Variants in UTRN observed in about 807,000 individuals in gnomAD.
UTRN encodes the protein utrophin.
UTRN carries 283 observed loss-of-function variants against 463.9 expected under a neutral mutation model. The observed-to-expected ratio is 0.61, with a 90% CI of 0.55 to 0.67. UTRN has a LOEUF of 0.67. Among genes scored for constraint, UTRN ranks in the 30% least tolerant of loss-of-function variants. The probability of loss-of-function intolerance (pLI) is 0.00; values close to 1 mark genes in which losing one functional copy is unlikely to be tolerated. For missense variants in UTRN, 3,922 were observed against 4,084.3 expected, an observed-to-expected ratio of 0.96 and a Z score of 1.08; for synonymous variants, 1,442 against 1,431.5, an observed-to-expected ratio of 1.01 and a Z score of -0.17.
chr6:144,498,260 T>C (rs1360144566), intron 33 of UTRN, among the ~76,000 whole-genome samples: 3 of 152,234 alleles, frequency 2.0e-5, no homozygotes, highest in Non-Finnish European at 4.4e-5. Context: ...CTTAACCTCT[T>C]TAAGTTTCAT....
intron 52 of UTRN, among the ~76,000 whole-genome samples, chr6:144,690,231 T>G (rs909958637): frequency 1.3e-5 from 2 of 150,140 alleles, no homozygotes; most frequent in Admixed American, 6.7e-5. Flanking sequence ...GCAGCCCTAG[T>G]GGGATTGGAG....
At chr6:144,844,945 G>T (rs1299990010) in intron 73 of UTRN, among the ~76,000 whole-genome samples, 1 of 152,096 alleles carries the variant, frequency 6.6e-6, no homozygotes, top group African/African-American at 2.4e-5. Context: ...TTCCACTCTT[G>T]GCAATCTTGG....
intron 74 of UTRN, among the ~76,000 whole-genome samples, chr6:144,850,472 C>A (rs967907952): frequency 1.3e-5 from 2 of 152,082 alleles, no homozygotes; most frequent in African/African-American, 2.4e-5. Context: ...AAGGTTGATA[C>A]CACTTCCATG....
intron 72 of UTRN, among the ~76,000 whole-genome samples, chr6:144,839,823 G>A (rs191133035): frequency 9.2e-5 from 14 of 152,204 alleles, no homozygotes; most frequent in African/African-American, 2.6e-4. Flanking sequence ...AGTAAACTAG[G>A]TGTTAACCAA....
chr6:144,292,941 C>G (rs117894383), intron 2 of UTRN, among the ~76,000 whole-genome samples: 1 of 152,048 alleles, frequency 6.6e-6, no homozygotes, highest in Non-Finnish European at 1.5e-5. Context: ...TCCATGATAC[C>G]GGTGTTGGTT....
intron 65 of UTRN, among the ~76,000 whole-genome samples, chr6:144,818,050 A>T (rs943398955): frequency 6.6e-6 from 1 of 152,136 alleles, no homozygotes; most frequent in Non-Finnish European, 1.5e-5. Context: ...TAAAGAATGT[A>T]TGCTGTGGAA....
intron 34 of UTRN, among the ~76,000 whole-genome samples, chr6:144,501,979 A>G (rs985734623): frequency 6.6e-6 from 1 of 152,062 alleles, no homozygotes; most frequent in African/African-American, 2.4e-5. Context: ...ACCATTTTTT[A>G]TCACCAAATT....
chr6:144,598,937 T>G (rs971556413), intron 51 of UTRN, among the ~76,000 whole-genome samples: 7 of 151,848 alleles, frequency 4.6e-5, no homozygotes, highest in Middle Eastern at 3.4e-3. Context: ...TCAGAATGAA[T>G]ATTGCTAGAC....
chr6:144,602,087 G>A (rs1423169625), intron 51 of UTRN, among the ~76,000 whole-genome samples: 1 of 152,030 alleles, frequency 6.6e-6, no homozygotes, highest in Non-Finnish European at 1.5e-5. Flanking sequence ...GTTTTATCAT[G>A]AGTCAATTGA....
At chr6:144,702,049 C>T (rs1784648762) in intron 53 of UTRN, among the ~76,000 whole-genome samples, 1 of 152,136 alleles carries the variant, frequency 6.6e-6, no homozygotes, top group South Asian at 2.1e-4. Context: ...ACAGTAGTCC[C>T]TTTTTGTGGG....
chr6:144,592,275 A>G (rs1038290922), intron 51 of UTRN, among the ~76,000 whole-genome samples: 1 of 152,232 alleles, frequency 6.6e-6, no homozygotes, highest in African/African-American at 2.4e-5. Flanking sequence ...ATCCTTATAC[A>G]TCATTAAGTG....
chr6:144,619,033 C>A (rs905234242), intron 51 of UTRN, among the ~76,000 whole-genome samples: 39 of 152,152 alleles, frequency 2.6e-4, no homozygotes, highest in African/African-American at 8.9e-4. Context: ...TAAATAGAAT[C>A]ATTCGATTTT....
chr6:144,634,031 A>T (rs1776831169), intron 51 of UTRN, among the ~76,000 whole-genome samples: 1 of 152,214 alleles, frequency 6.6e-6, no homozygotes, highest in African/African-American at 2.4e-5. Context: ...GGCAGTCAGA[A>T]CAGGCTGCCC....
At chr6:144,500,235 G>C (rs989925492) in intron 34 of UTRN, among the ~76,000 whole-genome samples, 34 of 152,304 alleles carry the variant, frequency 2.2e-4, no homozygotes, top group South Asian at 4.1e-4. Flanking sequence ...CCCACCAACA[G>C]TATAAAAGTG....
At chr6:144,361,772 C>CTTT (rs371182123) in intron 2 of UTRN, among the ~76,000 whole-genome samples, 5 of 134,814 alleles carry the variant, frequency 3.7e-5, no homozygotes, top group South Asian at 2.3e-4. Context: ...TTCTTTCTTT[C>CTTT]TTTTTTTTTT....
At chr6:144,381,726 A>T (rs1042959351) in intron 2 of UTRN, among the ~76,000 whole-genome samples, 1 of 152,248 alleles carries the variant, frequency 6.6e-6, no homozygotes, top group South Asian at 2.1e-4. Context: ...GTAAGATGTG[A>T]CTTGCTCCTC....
chr6:144,460,505 T>C (rs924054311), intron 21 of UTRN, among the ~76,000 whole-genome samples: 3 of 152,232 alleles, frequency 2.0e-5, no homozygotes, highest in Non-Finnish European at 4.4e-5. Flanking sequence ...GTTCCTTGAA[T>C]TCAGTTATGT....
chr6:144,805,071 G>A (rs1171038628), intron 65 of UTRN, among the ~76,000 whole-genome samples: 1 of 152,108 alleles, frequency 6.6e-6, no homozygotes, highest in East Asian at 1.9e-4. Context: ...GAAGTGGGTG[G>A]ACAGGGATGG....
intron 50 of UTRN, among the ~76,000 whole-genome samples, chr6:144,576,051 T>C (rs897959612): frequency 6.6e-6 from 1 of 152,214 alleles, no homozygotes; most frequent in Non-Finnish European, 1.5e-5. Context: ...CTTAACATAG[T>C]GTTTTCAAAG....
Sources: allele counts gnomAD v4.1 joint callset (sites outside exome capture counted in the v4.1 genomes callset), GRCh38; gene constraint gnomAD v4.1.1; transcripts MANE v1.5; gene names NCBI Gene and HGNC (gene_info 2026-07-23, HGNC 2026-07-21).